PPP5C: variants seen among roughly 807,000 people sequenced by gnomAD.
The protein encoded by PPP5C is protein phosphatase 5 catalytic subunit.
A neutral mutation model predicts 66.7 loss-of-function variants in PPP5C; 21 were observed. The observed-to-expected ratio is 0.31, with a 90% CI of 0.22 to 0.45. The LOEUF (loss-of-function observed/expected upper bound fraction) is 0.45, where lower values mean the gene tolerates loss of function less well. Among genes scored for constraint, PPP5C ranks in the 20% least tolerant of loss-of-function variants. The pLI is 1.00. For missense variants in PPP5C, 464 were observed against 675.9 expected (o/e 0.69, Z 3.48); for synonymous variants, 246 against 257.4 (o/e 0.96, Z 0.43).
chr19:46,374,128 G>T (rs1972648318), intron 2 of PPP5C, among the ~76,000 whole-genome samples: 1 of 152,186 alleles, frequency 6.6e-6, no homozygotes, highest in South Asian at 2.1e-4. Context: ...CCCAGGTGGA[G>T]CTGCCTGGCA....
Position 46,376,743 on chromosome 19 carries a change from C to A in PPP5C, c.633+169C>A. On this transcript the variant is annotated intron_variant, in intron 4 of 12. Coordinates refer to ENST00000012443, the MANE Select transcript of PPP5C (RefSeq NM_006247.4). This position sits in a 1 kb window ranked among gnomAD's most constrained non-coding sequence, Gnocchi z 5.1. ...CCGAGGGCTTACCACATGATCTCAT[C>A]TCGTCCCACAGCAGTTTGGGGAGGT... is the stretch of plus-strand genomic sequence containing the variant. 1 of 931,410 alleles carries A rather than the reference C, an allele frequency of 1.1e-6. No homozygotes were observed. 57.7% of individuals were successfully genotyped at this position (931,410 alleles called of 1,614,324 possible). A position where few individuals can be genotyped will look rare whatever the true frequency, so the allele number is the denominator to read the frequency against.
At position 46,368,304 on chromosome 19, in the gene PPP5C, C is replaced by T. The variant is rs879642370; in HGVS notation, c.364-7300C>T. 3.3e-4 allele frequency among the ~76,000 whole-genome samples: 50 copies of T among 152,326 alleles called. 1 individual carries two copies. The highest frequency in any genetic ancestry group is 2.9e-3 in the Admixed American group (45 of 15,304). ...CCCCAGTTGCAGCTGCTGTACCATGCGGTTTCATTGCTTGAGCAGGTGAAC... is the reference window on the plus strand; with the variant it reads ...CCCCAGTTGCAGCTGCTGTACCATGTGGTTTCATTGCTTGAGCAGGTGAAC... On this transcript the variant is annotated intron_variant, in intron 2 of 12. Coordinates refer to ENST00000012443, the MANE Select transcript of PPP5C (RefSeq NM_006247.4).
At chr19:46,387,941 C>T (rs1972920438) in intron 9 of PPP5C, 3 of 289,206 alleles carry the variant, frequency 1.0e-5, no homozygotes, top group South Asian at 8.7e-5. Context: ...CAGAGCCTGG[C>T]GAGCATATTC....
chr19:46,361,269 A>G (rs1214857441), intron 2 of PPP5C, among the ~76,000 whole-genome samples: 1 of 150,964 alleles, frequency 6.6e-6, no homozygotes, highest in Non-Finnish European at 1.5e-5. Context: ...AGCTGTGACT[A>G]CAGGTGCCTG....
chr19:46,347,297 A>T, intron 1 of PPP5C, 80 bp downstream of exon 1: 1 of 1,484,844 alleles, frequency 6.7e-7, no homozygotes, highest in Non-Finnish European at 9.0e-7. Context: ...AGCAACGCGG[A>T]GCTGCAGCCT....
At position 46,388,758 on chromosome 19, in the gene PPP5C, G is replaced by T. The variant is rs747498926; in HGVS notation, c.1355+27G>T. On this transcript the variant is annotated intron_variant, in intron 11 of 12. Coordinates refer to ENST00000012443, the MANE Select transcript of PPP5C (RefSeq NM_006247.4). This position sits in a 1 kb window ranked among gnomAD's most constrained non-coding sequence, Gnocchi z 4.9. ...TATGTCTTTGCCTTTCCAGCCCAGGGCCTCTACCAAGCCACGGGTTTTTGT... is the reference window on the plus strand; with the variant it reads ...TATGTCTTTGCCTTTCCAGCCCAGGTCCTCTACCAAGCCACGGGTTTTTGT... 3 of 1,599,962 alleles carry T rather than the reference G, an allele frequency of 1.9e-6. No homozygotes were observed. The highest frequency in any genetic ancestry group is 2.6e-6 in the Non-Finnish European group (3 of 1,171,554).
At chr19:46,373,380 G>A (rs1972630143) in intron 2 of PPP5C, among the ~76,000 whole-genome samples, 1 of 152,232 alleles carries the variant, frequency 6.6e-6, no homozygotes, top group Non-Finnish European at 1.5e-5. Context: ...TCTGTCAGAT[G>A]AGGATTGTGA....
At chr19:46,350,338 GGT>G (rs1462868934) in intron 1 of PPP5C, among the ~76,000 whole-genome samples, 1 of 152,210 alleles carries the variant, frequency 6.6e-6, no homozygotes, top group African/African-American at 2.4e-5. Flanking sequence ...CAGGTGATGG[GGT>G]GGAAGGTGGA....
chr19:46,387,324 G>C (rs1479922567), intron 8 of PPP5C, 42 bp from the exon 9 acceptor site: 3 of 1,608,838 alleles, frequency 1.9e-6, no homozygotes, highest in South Asian at 2.2e-5. Flanking sequence ...GCCTGTGGGT[G>C]GGTGGCACCT....
intron 2 of PPP5C, among the ~76,000 whole-genome samples, chr19:46,366,248 G>A (rs563426110): frequency 1.8e-4 from 27 of 149,904 alleles, no homozygotes; most frequent in African/African-American, 6.6e-4. Context: ...AATTAACATA[G>A]ACAGAGTTTA....
rs1260297762 is a variant in PPP5C, at chr19:46,388,070, C to T, written c.1136-338C>T. 2 of 324,182 alleles carry T rather than the reference C, an allele frequency of 6.2e-6. No individual in the cohort carries two copies. The highest frequency in any genetic ancestry group is 1.1e-5 in the Non-Finnish European group (2 of 174,282). 20.1% of individuals were successfully genotyped at this position (324,182 alleles called of 1,614,324 possible). A position where few individuals can be genotyped will look rare whatever the true frequency, so the allele number is the denominator to read the frequency against. On this transcript the variant is annotated intron_variant, in intron 9 of 12. Coordinates refer to ENST00000012443, the MANE Select transcript of PPP5C (RefSeq NM_006247.4). This position sits in a 1 kb window ranked among gnomAD's most constrained non-coding sequence, Gnocchi z 4.9. ...CCAAATCCTATGGCGCTTTACAGGC[C>T]CCAGTGAGGAACTTTGTTCCTAGGG...
rs1011048948 is a variant in PPP5C, at chr19:46,390,918, G to A, written c.*572G>A. Reference sequence around the variant, plus strand: ...TGGGTTACGCCTGCTCAGGAGATCCGGAGGGTGGGGAGGCCGCAAAGTCCC... The same window carrying A: ...TGGGTTACGCCTGCTCAGGAGATCCAGAGGGTGGGGAGGCCGCAAAGTCCC... On this transcript the variant is annotated 3_prime_UTR_variant, in exon 13 of 13. Coordinates refer to ENST00000012443, the MANE Select transcript of PPP5C (RefSeq NM_006247.4). The A allele has an allele frequency of 5.1e-6, 6 of 1,173,018 alleles. No homozygotes were observed. Among genetic ancestry groups the A allele is most frequent in the Admixed American group, 3.7e-5 (1 of 27,320 alleles). The allele number at this position is 1,173,018 out of a possible 1,614,324, so 72.7% of individuals were successfully genotyped here. A position where few individuals can be genotyped will look rare whatever the true frequency, so the allele number is the denominator to read the frequency against.
chr19:46,388,282 C>A lies in PPP5C; in HGVS notation c.1136-126C>A. 9.8e-7 allele frequency: 1 copy of A among 1,016,556 alleles called. No individual in the cohort carries two copies. Among genetic ancestry groups the A allele is most frequent in the Non-Finnish European group, 1.4e-6 (1 of 705,254 alleles). 63.0% of individuals were successfully genotyped at this position (1,016,556 alleles called of 1,614,324 possible). ...GAATGTCCATGTCCATGCTGGATGTCCCCTGCCCAACACCCACCCAGGCTG... is the reference window on the plus strand; with the variant it reads ...GAATGTCCATGTCCATGCTGGATGTACCCTGCCCAACACCCACCCAGGCTG... On this transcript the variant is annotated intron_variant, in intron 9 of 12. Transcript: ENST00000012443. This position sits in a 1 kb window ranked among gnomAD's most constrained non-coding sequence, Gnocchi z 4.9.
At position 46,383,042 on chromosome 19, in the gene PPP5C, C is replaced by A; in HGVS notation, c.634-369C>A. The A allele has an allele frequency of 9.3e-7, 1 of 1,078,426 alleles. No individual in the cohort carries two copies. The highest frequency in any genetic ancestry group is 1.8e-5 in the South Asian group (1 of 56,014). The allele number at this position is 1,078,426 out of a possible 1,614,324, so 66.8% of individuals were successfully genotyped here. A position where few individuals can be genotyped will look rare whatever the true frequency, so the allele number is the denominator to read the frequency against. On this transcript the variant is annotated intron_variant, in intron 4 of 12. Coordinates refer to ENST00000012443, the MANE Select transcript of PPP5C (RefSeq NM_006247.4). The surrounding 1 kb of genome is among the most constrained non-coding windows in gnomAD (Gnocchi z 5.0). ...TCTTTTTACCTAGAAAGTCTCACTT[C>A]TTTTTTGGGAGACTCTTTTATGACA... is the stretch of plus-strand genomic sequence containing the variant.
intron 1 of PPP5C, among the ~76,000 whole-genome samples, chr19:46,347,953 A>AC (rs985022928): frequency 1.7e-4 from 26 of 149,024 alleles, no homozygotes; most frequent in South Asian, 4.2e-4. Context: ...AAAAAAAAAA[A>AC]CAAAAAAAAA....
At chr19:46,373,042 G>T (rs990706933) in intron 2 of PPP5C, among the ~76,000 whole-genome samples, 3 of 152,256 alleles carry the variant, frequency 2.0e-5, no homozygotes, top group Admixed American at 1.3e-4. Flanking sequence ...CCTCCAGGGG[G>T]TGCTGGCACC....
At chr19:46,375,405 C>T (rs191404799) in intron 2 of PPP5C, among the ~76,000 whole-genome samples, 199 bp from the exon 3 acceptor site, 65 of 152,340 alleles carry the variant, frequency 4.3e-4, no homozygotes, top group African/African-American at 1.5e-3. Context: ...TGCACCCATG[C>T]GGGCAGCTTT....
intron 2 of PPP5C, among the ~76,000 whole-genome samples, chr19:46,373,975 GA>G (rs1281724945): frequency 5.9e-5 from 9 of 152,194 alleles, no homozygotes; most frequent in Admixed American, 2.0e-4. Flanking sequence ...GGGAGGTATA[GA>G]GGGGTGGGAG....
chr19:46,378,202 A>C (rs1207196527), intron 4 of PPP5C, among the ~76,000 whole-genome samples: 1 of 152,164 alleles, frequency 6.6e-6, no homozygotes, highest in Non-Finnish European at 1.5e-5. Flanking sequence ...TCGTATTTTC[A>C]TTATCATTGA....
Sources: gnomAD v4.1 joint callset for allele counts (sites outside exome capture counted in the v4.1 genomes callset) on GRCh38, gnomAD v4.1.1 for gene constraint, Gnocchi (gnomAD v3.1) non-coding constraint, MANE v1.5 for transcripts, NCBI Gene and HGNC (gene_info 2026-07-23, HGNC 2026-07-21) for gene names.